Variants in ANKRD12 observed in about 807,000 individuals in gnomAD.
ANKRD12 encodes ankyrin repeat domain 12.
ANKRD12 carries 85 observed loss-of-function variants against 183.4 expected under a neutral mutation model. That is an observed-to-expected ratio of 0.46 (90% CI 0.39 to 0.56). The LOEUF (loss-of-function observed/expected upper bound fraction) is 0.56. Among genes scored for constraint, ANKRD12 ranks in the 20% least tolerant of loss-of-function variants. The pLI is 0.00. For missense variants in ANKRD12, 2,405 were observed against 2,357.1 expected (o/e 1.02, Z -0.42); for synonymous variants, 914 against 800.2 (o/e 1.14, Z -2.40).
chr18:9,285,917 C>T lies in ANKRD12; in HGVS notation c.*4791C>T, dbSNP rs1412240709. 6.6e-6 allele frequency: 1 copy of T among 152,122 alleles called. No homozygotes were observed. The highest frequency in any genetic ancestry group is 2.4e-5 in the African/African-American group (1 of 41,432). 9.4% of individuals were successfully genotyped at this position (152,122 alleles called of 1,614,324 possible). A position where few individuals can be genotyped will look rare whatever the true frequency, so the allele number is the denominator to read the frequency against. ...TATTGTACAAATTTGTTTATTCGTT[C>T]TCTTGTTGGTATTTGGATTGTTTCC... is the stretch of plus-strand genomic sequence containing the variant. On this transcript the variant is annotated 3_prime_UTR_variant, in exon 13 of 13. Transcript: ENST00000262126.
At chr18:9,139,736 A>T (rs2078252909) in intron 1 of ANKRD12, among the ~76,000 whole-genome samples, 1 of 152,230 alleles carries the variant, frequency 6.6e-6, no homozygotes, top group South Asian at 2.1e-4. Flanking sequence ...TGCTAAAAAC[A>T]TGTATTTGTA....
At chr18:9,171,298 T>G (rs1326043658) in intron 1 of ANKRD12, among the ~76,000 whole-genome samples, 1 of 152,220 alleles carries the variant, frequency 6.6e-6, no homozygotes, top group Non-Finnish European at 1.5e-5. Flanking sequence ...ACTGGAGCTG[T>G]TCCTATTCGG....
chr18:9,150,324 C>G (rs1008183541), intron 1 of ANKRD12, among the ~76,000 whole-genome samples: 2 of 152,156 alleles, frequency 1.3e-5, no homozygotes, highest in East Asian at 3.8e-4. Flanking sequence ...TACCTGCCAT[C>G]TCATGTATTA....
chr18:9,189,851 A>G (rs538267128), intron 2 of ANKRD12, among the ~76,000 whole-genome samples: 79 of 152,334 alleles, frequency 5.2e-4, no homozygotes, highest in African/African-American at 1.8e-3. Context: ...GCTCTGACAG[A>G]GACATACAAA....
At chr18:9,269,304 A>G (rs2039472403) in intron 10 of ANKRD12, among the ~76,000 whole-genome samples, 1 of 152,210 alleles carries the variant, frequency 6.6e-6, no homozygotes, top group South Asian at 2.1e-4. Context: ...AAGACCTCGC[A>G]TTGCCAAGTC....
Position 9,254,765 on chromosome 18 carries a change from A to G in ANKRD12, c.1498A>G (p.Ile500Val). 6.8e-7 allele frequency: 1 copy of G among 1,472,098 alleles called. No individual in the cohort carries two copies. Among genetic ancestry groups the G allele is most frequent in the Non-Finnish European group, 9.0e-7 (1 of 1,112,522 alleles). The allele number at this position is 1,472,098 out of a possible 1,614,324, so 91.2% of individuals were successfully genotyped here. ...QEKEGKENTR[I>V]TNLTVNTGLD... ...AAAGGAAGGAAAAGAAAATACAAGA[A>G]TAACAAACTTGACAGTAAATACTGG... Residue 500 changes from isoleucine to valine, a missense_variant, in exon 9 of 13, where the codon ATA (isoleucine) becomes GTA (valine). Physicochemically the swap from Ile to Val is conservative, Grantham distance 29 (BLOSUM62 3). Transcript: ENST00000262126.
intron 1 of ANKRD12, among the ~76,000 whole-genome samples, chr18:9,158,385 T>C (rs975307107): frequency 3.3e-5 from 5 of 152,206 alleles, no homozygotes; most frequent in African/African-American, 1.2e-4. Context: ...AGTTATCATG[T>C]CTCCTTAGCC....
chr18:9,178,757 C>G (rs371246377), intron 1 of ANKRD12, among the ~76,000 whole-genome samples: 1 of 152,130 alleles, frequency 6.6e-6, no homozygotes, highest in East Asian at 1.9e-4. Context: ...GACATTTTAA[C>G]GACATTGCAT....
intron 1 of ANKRD12, among the ~76,000 whole-genome samples, chr18:9,162,155 G>A (rs1279646773): frequency 6.6e-6 from 1 of 151,978 alleles, no homozygotes; most frequent in Non-Finnish European, 1.5e-5. Flanking sequence ...ATTAAGCCTA[G>A]CATCCATTAG....
At chr18:9,163,190 C>G (rs1201156035) in intron 1 of ANKRD12, among the ~76,000 whole-genome samples, 1 of 152,086 alleles carries the variant, frequency 6.6e-6, no homozygotes, top group Non-Finnish European at 1.5e-5. Flanking sequence ...ACATTGAAGT[C>G]TTTAATCCAT....
chr18:9,186,795 G>A (rs11081465), intron 2 of ANKRD12, among the ~76,000 whole-genome samples: 113,914 of 145,124 alleles, frequency 0.78, 44,807 homozygotes, highest in Middle Eastern at 0.89. Flanking sequence ...CTTTTTCCCC[G>A]GGCCGGAGTG....
chr18:9,267,583 GAC>G (rs2039367230), intron 10 of ANKRD12, among the ~76,000 whole-genome samples: 1 of 152,040 alleles, frequency 6.6e-6, no homozygotes, highest in African/African-American at 2.4e-5. Flanking sequence ...CGAGAACAAA[GAC>G]ACAACATACC....
At chr18:9,140,293 A>C (rs2143294272) in intron 1 of ANKRD12, among the ~76,000 whole-genome samples, 1 of 152,308 alleles carries the variant, frequency 6.6e-6, no homozygotes, top group South Asian at 2.1e-4. Context: ...CAAGGTGTTT[A>C]GATCCCTGGA....
chr18:9,186,389 A>G (rs1195787658), intron 2 of ANKRD12, among the ~76,000 whole-genome samples: 1 of 152,226 alleles, frequency 6.6e-6, no homozygotes, highest in African/African-American at 2.4e-5. Flanking sequence ...TTTGGCTTAC[A>G]TAAAGGGATG....
chr18:9,172,028 A>G (rs1598447400), intron 1 of ANKRD12, among the ~76,000 whole-genome samples: 1 of 151,096 alleles, frequency 6.6e-6, no homozygotes, highest in African/African-American at 2.4e-5. Flanking sequence ...TCCACCTCAA[A>G]AAAAAAAAAA....
intron 1 of ANKRD12, among the ~76,000 whole-genome samples, chr18:9,161,598 G>C (rs1223203808): frequency 6.6e-6 from 1 of 151,754 alleles, no homozygotes. Context: ...GGATGGTCTC[G>C]ATCTGCTGAC....
At chr18:9,183,229 T>G (rs915168212) in intron 2 of ANKRD12, among the ~76,000 whole-genome samples, 1 of 152,242 alleles carries the variant, frequency 6.6e-6, no homozygotes, top group African/African-American at 2.4e-5. Context: ...GAGTCCTTCA[T>G]GATTTCATAT....
At chr18:9,157,065 C>G (rs911373979) in intron 1 of ANKRD12, among the ~76,000 whole-genome samples, 1 of 152,182 alleles carries the variant, frequency 6.6e-6, no homozygotes, top group Non-Finnish European at 1.5e-5. Context: ...GATTGCATGA[C>G]AGTGTGGATG....
chr18:9,159,133 G>A (rs1384945058), intron 1 of ANKRD12, among the ~76,000 whole-genome samples: 3 of 152,100 alleles, frequency 2.0e-5, no homozygotes, highest in Admixed American at 6.5e-5. Flanking sequence ...TACTGAGAAA[G>A]GTTAATAACC....
Sources: gnomAD v4.1 joint callset for allele counts (sites outside exome capture counted in the v4.1 genomes callset) on GRCh38, gnomAD v4.1.1 for gene constraint, MANE v1.5 for transcripts, NCBI Gene and HGNC (gene_info 2026-07-23, HGNC 2026-07-21) for gene names.